Variants in IGSF5 observed in about 807,000 individuals in gnomAD.
IGSF5 encodes immunoglobulin superfamily 5 like.
A neutral mutation model predicts 39.4 loss-of-function variants in IGSF5; 41 were observed. The ratio of observed to expected loss-of-function variants is 1.04; its 90% confidence interval spans 0.81 to 1.35. IGSF5 has a LOEUF of 1.35. Ranked by LOEUF, IGSF5 falls within the 40% of genes most tolerant of loss-of-function variation. The probability of loss-of-function intolerance (pLI) is 0.00; values close to 1 mark genes in which losing one functional copy is unlikely to be tolerated. For synonymous variants in IGSF5, 183 were observed against 175.3 expected (o/e 1.04, Z -0.34); for missense variants, 487 against 494.6 (o/e 0.98, Z 0.15).
chr21:39,750,683 T>A (rs79018688), intron 2 of IGSF5, among the ~76,000 whole-genome samples: 16,373 of 152,092 alleles, frequency 0.11, 2,882 homozygotes, highest in African/African-American at 0.37. Context: ...GCAAATGCCA[T>A]GGAAGCCACA....
the IGSF5 span, among the ~76,000 whole-genome samples, chr21:39,739,015 A>T: frequency 1.3e-5 from 2 of 151,906 alleles, no homozygotes; most frequent in African/African-American, 4.8e-5. Flanking sequence ...CAGCCTCCTG[A>T]GTAGCTGTGA....
intron 7 of IGSF5, 57 bp from the exon 8 acceptor site, chr21:39,793,477 G>A (rs2086977054): frequency 1.1e-5 from 14 of 1,295,094 alleles, no homozygotes; most frequent in Non-Finnish European, 1.6e-5. Flanking sequence ...AGAATTGTTA[G>A]AGCACACAGC....
chr21:39,788,151 T>C lies in IGSF5; in HGVS notation c.935-16T>C. On this transcript the variant is annotated splice_polypyrimidine_tract_variant and intron_variant, in intron 5 of 8. Transcript: ENST00000380588. ...GTATCCCGATTTTTCCAATGTAATTTTGTTCTTTTTTGCAGGATTTCGTAT... is the reference window on the plus strand; with the variant it reads ...GTATCCCGATTTTTCCAATGTAATTCTGTTCTTTTTTGCAGGATTTCGTAT... 6.3e-7 allele frequency: 1 copy of C among 1,586,156 alleles called. No individual in the cohort carries two copies. The highest frequency in any genetic ancestry group is 1.1e-5 in the South Asian group (1 of 88,324).
Position 39,770,894 on chromosome 21 carries a change from GT to G in IGSF5, c.419-19del, listed in dbSNP as rs779085145. On this transcript the variant is annotated intron_variant, in intron 3 of 8. Coordinates refer to ENST00000380588, the MANE Select transcript of IGSF5 (RefSeq NM_001080444.2). ...AGAGGCATGGTCATGTCTTCAATGT[GT>G]TTCTCTCTTTTCTTCTTTAGTTATG... The G allele has an allele frequency of 1.0e-5, 15 of 1,449,506 alleles. No individual in the cohort carries two copies. In the East Asian group the frequency reaches 3.7e-4, roughly 36 times the overall value. 89.8% of individuals were successfully genotyped at this position (1,449,506 alleles called of 1,614,324 possible). A position where few individuals can be genotyped will look rare whatever the true frequency, so the allele number is the denominator to read the frequency against.
At chr21:39,723,502 A>G in the IGSF5 span, among the ~76,000 whole-genome samples, 1 of 152,188 alleles carries the variant, frequency 6.6e-6, no homozygotes, top group African/African-American at 2.4e-5. Context: ...CAAAGGGAGG[A>G]AATTACACAG....
chr21:39,762,134 C>T (rs1017002192), intron 2 of IGSF5, among the ~76,000 whole-genome samples: 4 of 152,256 alleles, frequency 2.6e-5, no homozygotes, highest in East Asian at 1.9e-4. Context: ...ATAAAGAAAT[C>T]GTGTAGCCAG....
chr21:39,743,733 T>A (rs1034768498), upstream of IGSF5, among the ~76,000 whole-genome samples: 3 of 152,186 alleles, frequency 2.0e-5, no homozygotes, highest in African/African-American at 7.2e-5. Context: ...AAAGAAAGTT[T>A]GTACATATGG....
intron 8 of IGSF5, among the ~76,000 whole-genome samples, chr21:39,796,390 C>T (rs1293403766): frequency 6.6e-6 from 1 of 152,172 alleles, no homozygotes; most frequent in Non-Finnish European, 1.5e-5. Context: ...GTGATGAGGA[C>T]CTCTGAATTC....
At chr21:39,773,634 T>C (rs2080125813) in intron 4 of IGSF5, among the ~76,000 whole-genome samples, 1 of 152,128 alleles carries the variant, frequency 6.6e-6, no homozygotes, top group Non-Finnish European at 1.5e-5. Flanking sequence ...ATCCCCCTAT[T>C]AGTTTTTGAG....
chr21:39,778,212 C>T (rs1254138068), intron 4 of IGSF5, among the ~76,000 whole-genome samples: 1 of 152,192 alleles, frequency 6.6e-6, no homozygotes, highest in African/African-American at 2.4e-5. Context: ...ACGATAAAAA[C>T]GTTCTACATC....
rs756502763 is a variant in IGSF5, at chr21:39,765,684, A to G, written c.250A>G (p.Met84Val). The change falls in exon 3 of 9, where the codon ATG becomes GTG. Residue 84 changes from methionine to valine, a missense_variant. Physicochemically the swap from Met to Val is conservative, Grantham distance 21 (BLOSUM62 1). Transcript: ENST00000380588. ...SDMVVLSVRP[M>V]EPIITNDRFT... Reference sequence around the variant, plus strand: ...CATGGTGGTGCTAAGCGTCAGGCCCATGGAGCCCATCATCACCAATGACCG... The same window carrying G: ...CATGGTGGTGCTAAGCGTCAGGCCCGTGGAGCCCATCATCACCAATGACCG... The G allele has an allele frequency of 8.1e-6, 13 of 1,614,110 alleles. No individual in the cohort carries two copies. Among genetic ancestry groups the G allele is most frequent in the Admixed American group, 1.7e-5 (1 of 60,026 alleles).
chr21:39,726,804 A>G, the IGSF5 span, among the ~76,000 whole-genome samples: 9 of 152,140 alleles, frequency 5.9e-5, no homozygotes, highest in Admixed American at 5.2e-4. Flanking sequence ...TGACATCTCA[A>G]ACAGAAACCT....
At chr21:39,741,371 A>G (rs146497464), upstream of IGSF5, among the ~76,000 whole-genome samples, 1,283 of 152,330 alleles carry the variant, frequency 8.4e-3, 14 homozygotes, top group African/African-American at 0.029. Flanking sequence ...TGGGATAAGG[A>G]TAAGCCAGTA....
At chr21:39,726,626 C>A in the IGSF5 span, among the ~76,000 whole-genome samples, 1 of 152,184 alleles carries the variant, frequency 6.6e-6, no homozygotes, top group Admixed American at 6.5e-5. Flanking sequence ...ACGCTTCTAG[C>A]CCTGGGGGAC....
chr21:39,781,351 A>C (rs1463938461), intron 5 of IGSF5, among the ~76,000 whole-genome samples: 1 of 152,140 alleles, frequency 6.6e-6, no homozygotes, highest in African/African-American at 2.4e-5. Context: ...CATTGTGTAG[A>C]TGTACCATGG....
chr21:39,726,598 C>T, the IGSF5 span, among the ~76,000 whole-genome samples: 1 of 152,208 alleles, frequency 6.6e-6, no homozygotes, highest in Non-Finnish European at 1.5e-5. Context: ...TAGCTGCTGC[C>T]TCCACTGTGT....
chr21:39,720,113 C>T, the IGSF5 span, among the ~76,000 whole-genome samples: 1 of 152,156 alleles, frequency 6.6e-6, no homozygotes, highest in South Asian at 2.1e-4. Context: ...TTTCCACAGA[C>T]CTGAGGTGAG....
At chr21:39,720,334 G>A in the IGSF5 span, among the ~76,000 whole-genome samples, 1 of 152,122 alleles carries the variant, frequency 6.6e-6, no homozygotes, top group East Asian at 1.9e-4. Context: ...ATGAAGCTTT[G>A]CTTATTCACC....
intron 2 of IGSF5, among the ~76,000 whole-genome samples, chr21:39,757,126 C>A (rs2080034724): frequency 6.6e-6 from 1 of 152,024 alleles, no homozygotes; most frequent in African/African-American, 2.4e-5. Context: ...TGTTGTCTCA[C>A]CTCATTCGCT....
Sources: allele counts gnomAD v4.1 joint callset (sites outside exome capture counted in the v4.1 genomes callset), GRCh38; gene constraint gnomAD v4.1.1; transcripts MANE v1.5; gene names NCBI Gene and HGNC (gene_info 2026-07-23, HGNC 2026-07-21).